Variants in CCDC102B observed in about 807,000 individuals in gnomAD.
The protein encoded by CCDC102B is coiled-coil domain-containing protein 102B.
Under a neutral mutation model 57.4 loss-of-function variants are expected in CCDC102B, and 75 were observed. That is an observed-to-expected ratio of 1.31 (90% CI 1.08 to 1.58). CCDC102B has a LOEUF of 1.58. Among genes scored for constraint, CCDC102B ranks in the 40% most tolerant of loss-of-function variants. The pLI, the probability that CCDC102B is intolerant of heterozygous loss-of-function variation, is 0.00. For synonymous variants in CCDC102B, 206 were observed against 201.9 expected, an observed-to-expected ratio of 1.02 and a Z score of -0.17; for missense variants, 636 against 582.6, an observed-to-expected ratio of 1.09 and a Z score of -0.94.
At chr18:68,779,400 A>T (rs1255971983) in intron 2 of CCDC102B, among the ~76,000 whole-genome samples, 3 of 152,158 alleles carry the variant, frequency 2.0e-5, no homozygotes, top group African/African-American at 7.2e-5. Context: ...AGATTGCGTA[A>T]GCATAGCACA....
intron 7 of CCDC102B, among the ~76,000 whole-genome samples, chr18:69,038,158 A>G (rs73967775): frequency 0.057 from 8,686 of 151,962 alleles, 373 homozygotes; most frequent in East Asian, 0.16. Context: ...CATAAATTAT[A>G]CATAGTATTG....
intron 7 of CCDC102B, among the ~76,000 whole-genome samples, chr18:69,025,995 C>G (rs1214154453): frequency 6.6e-6 from 1 of 152,122 alleles, no homozygotes; most frequent in Non-Finnish European, 1.5e-5. Flanking sequence ...ATTCCATTGA[C>G]TCCAGGAGCA....
chr18:68,875,227 A>G (rs1202742945), intron 5 of CCDC102B, among the ~76,000 whole-genome samples: 1 of 152,142 alleles, frequency 6.6e-6, no homozygotes, highest in African/African-American at 2.4e-5. Context: ...TTCATTTCTT[A>G]GGTACACCAA....
chr18:68,795,989 T>A (rs1196201159), upstream of CCDC102B, among the ~76,000 whole-genome samples: 1 of 152,042 alleles, frequency 6.6e-6, no homozygotes, highest in African/African-American at 2.4e-5. Context: ...AAACATAATC[T>A]AGAAAAGTTG....
At chr18:68,989,674 A>G (rs973436987) in intron 6 of CCDC102B, among the ~76,000 whole-genome samples, 8 of 152,214 alleles carry the variant, frequency 5.3e-5, no homozygotes, top group Admixed American at 6.5e-5. Context: ...CCAGGCTACC[A>G]CGTTGTCTCT....
Position 68,837,113 on chromosome 18 carries a change from G to C in CCDC102B, c.350G>C (p.Arg117Thr), listed in dbSNP as rs1415258438. 1 of 1,613,998 alleles carries C rather than the reference G, an allele frequency of 6.2e-7. No individual in the cohort carries two copies. The highest frequency in any genetic ancestry group is 8.5e-7 in the Non-Finnish European group (1 of 1,180,032). The change falls in exon 2 of 8, where the codon AGG becomes ACG. Residue 117 changes from arginine to threonine, a missense_variant. Physicochemically the swap from Arg to Thr is moderately conservative, Grantham distance 71 (BLOSUM62 -1). Coordinates refer to ENST00000360242, the MANE Select transcript of CCDC102B (RefSeq NM_024781.3). The part of the protein sequence containing the change: ...SKVRAERNSA[R>T]EEGRQLRIKL... ...GTTCGAGCTGAAAGGAACAGTGCCA[G>C]GGAGGAAGGAAGACAACTCAGAATA...
chr18:68,911,685 G>A lies in CCDC102B; in HGVS notation c.1263+14257G>A, dbSNP rs1438207925. On this transcript the variant is annotated intron_variant, in intron 6 of 7. Transcript: ENST00000360242. ...GAGAATGGCGTGAACCCGGGAGGCGGAGCTTGCAGTGAGCCGAGATCGCGC... is the reference window on the plus strand; with the variant it reads ...GAGAATGGCGTGAACCCGGGAGGCGAAGCTTGCAGTGAGCCGAGATCGCGC... Among the ~76,000 whole-genome samples, 4 of 134,132 alleles carry A rather than the reference G, an allele frequency of 3.0e-5. No individual in the cohort carries two copies. The East Asian group carries it at 8.8e-4, about 30-fold the overall frequency. The allele number at this position is 134,132 out of a possible 152,430, so 88.0% of individuals were successfully genotyped here. A position where few individuals can be genotyped will look rare whatever the true frequency, so the allele number is the denominator to read the frequency against.
chr18:69,038,619 C>T (rs1035895773), intron 7 of CCDC102B, among the ~76,000 whole-genome samples: 1 of 151,918 alleles, frequency 6.6e-6, no homozygotes, highest in African/African-American at 2.4e-5. Context: ...ATAATTTCCA[C>T]TAACTTTTTA....
intron 6 of CCDC102B, among the ~76,000 whole-genome samples, chr18:69,007,125 AAAC>A (rs2051372322): frequency 1.3e-5 from 2 of 152,216 alleles, no homozygotes; most frequent in African/African-American, 4.8e-5. Context: ...AAATCACTTT[AAAC>A]TGATTTTATC....
At chr18:68,823,958 T>C (rs1326510705) in intron 1 of CCDC102B, among the ~76,000 whole-genome samples, 1 of 151,394 alleles carries the variant, frequency 6.6e-6, no homozygotes, top group Non-Finnish European at 1.5e-5. Flanking sequence ...ATCAGACCTT[T>C]GCTGGATGCG....
At chr18:68,832,396 A>G (rs901243478) in intron 1 of CCDC102B, among the ~76,000 whole-genome samples, 2 of 152,180 alleles carry the variant, frequency 1.3e-5, no homozygotes, top group Non-Finnish European at 2.9e-5. Flanking sequence ...TTTATTGTTT[A>G]TGATTGTTAG....
At chr18:68,867,004 GT>G in intron 4 of CCDC102B, 1 of 321,008 alleles carries the variant, frequency 3.1e-6, no homozygotes, top group South Asian at 3.6e-5. Context: ...CTGTGTTGTG[GT>G]CTGTAGGGCT....
intron 7 of CCDC102B, among the ~76,000 whole-genome samples, chr18:69,051,718 CTT>C (rs2052709407): frequency 1.3e-5 from 2 of 151,732 alleles, no homozygotes; most frequent in South Asian, 4.2e-4. Context: ...ATAAAAGAAA[CTT>C]TATACATCAT....
downstream of CCDC102B, among the ~76,000 whole-genome samples, chr18:69,057,921 C>T (rs140869609): frequency 5.4e-4 from 82 of 152,050 alleles, no homozygotes; most frequent in African/African-American, 1.9e-3. Flanking sequence ...CTGAAGTTTG[C>T]TATATGAATG....
chr18:68,863,973 A>G (rs1599593266), intron 4 of CCDC102B, among the ~76,000 whole-genome samples: 1 of 151,992 alleles, frequency 6.6e-6, no homozygotes, highest in East Asian at 1.9e-4. Flanking sequence ...CAATTTCTTT[A>G]GAGTCCAGGG....
intron 1 of CCDC102B, among the ~76,000 whole-genome samples, chr18:68,836,394 C>T (rs2037366390): frequency 6.6e-6 from 1 of 152,082 alleles, no homozygotes; most frequent in Non-Finnish European, 1.5e-5. Flanking sequence ...CTTTGGGAGG[C>T]TGAGGCGGGT....
intron 5 of CCDC102B, among the ~76,000 whole-genome samples, chr18:68,875,908 C>T (rs17079829): frequency 0.12 from 18,871 of 152,042 alleles, 1,422 homozygotes; most frequent in South Asian, 0.22. Context: ...CCGTTGACAG[C>T]TCTTCTATAA....
chr18:68,990,969 G>C (rs1283284486), intron 6 of CCDC102B, among the ~76,000 whole-genome samples: 1 of 151,622 alleles, frequency 6.6e-6, no homozygotes, highest in Non-Finnish European at 1.5e-5. Flanking sequence ...TCATTTTCTG[G>C]GTTACTGTAT....
chr18:68,744,466 G>A (rs2033533922), intron 2 of CCDC102B, among the ~76,000 whole-genome samples: 1 of 152,154 alleles, frequency 6.6e-6, no homozygotes, highest in Non-Finnish European at 1.5e-5. Flanking sequence ...CACAGAGAAA[G>A]TGAAGTTCCT....
Sources: allele counts gnomAD v4.1 joint callset (sites outside exome capture counted in the v4.1 genomes callset), GRCh38; gene constraint gnomAD v4.1.1; transcripts MANE v1.5; gene names NCBI Gene and HGNC (gene_info 2026-07-23, HGNC 2026-07-21).